The following LRRC75A variants were observed in gnomAD, a reference collection of about 807,000 sequenced individuals.
LRRC75A encodes the protein leucine rich repeat containing 75A.
A neutral mutation model predicts 26.0 loss-of-function variants in LRRC75A; 12 were observed. The observed-to-expected ratio is 0.46, with a 90% CI of 0.30 to 0.75. LRRC75A has a LOEUF of 0.75. LRRC75A is among the 30% of genes least tolerant of loss of function. The probability of loss-of-function intolerance (pLI) is 0.08; values close to 1 mark genes in which losing one functional copy is unlikely to be tolerated. For synonymous variants in LRRC75A, 223 were observed against 219.3 expected (o/e 1.02, Z -0.15); for missense variants, 410 against 486.6 (o/e 0.84, Z 1.48).
chr17:16,476,229 G>T (rs947038716), intron 1 of LRRC75A, among the ~76,000 whole-genome samples: 4 of 151,798 alleles, frequency 2.6e-5, no homozygotes, highest in Admixed American at 1.3e-4. Flanking sequence ...TTAGCTGGGT[G>T]TGGTGGCACA....
At chr17:16,474,168 C>T (rs1471753610) in intron 1 of LRRC75A, among the ~76,000 whole-genome samples, 1 of 100,990 alleles carries the variant, frequency 9.9e-6, no homozygotes, top group Non-Finnish European at 1.9e-5. Context: ...ACGTGGCTGA[C>T]GGTGGGGGAC....
intron 1 of LRRC75A, among the ~76,000 whole-genome samples, chr17:16,467,004 G>A (rs923659086): frequency 6.6e-6 from 1 of 152,110 alleles, no homozygotes. Context: ...AAGACCCAGT[G>A]CAAAAGCGCA....
intron 2 of LRRC75A, among the ~76,000 whole-genome samples, chr17:16,448,479 G>A (rs1395873974): frequency 6.6e-6 from 1 of 152,204 alleles, no homozygotes; most frequent in Admixed American, 6.5e-5. Flanking sequence ...ACAAATGAAT[G>A]AGGAGGCCAA....
At chr17:16,473,501 C>T (rs978015683) in intron 1 of LRRC75A, among the ~76,000 whole-genome samples, 3 of 152,158 alleles carry the variant, frequency 2.0e-5, no homozygotes, top group African/African-American at 7.2e-5. Context: ...TGCCCGCCAC[C>T]CCCACAGGCC....
chr17:16,461,880 G>A (rs577325617), intron 2 of LRRC75A, among the ~76,000 whole-genome samples: 18 of 150,560 alleles, frequency 1.2e-4, no homozygotes, highest in Non-Finnish European at 2.1e-4. Context: ...GCATGCTTTC[G>A]TGCAAGGTAC....
chr17:16,485,633 TG>T (rs1177764412), intron 1 of LRRC75A, among the ~76,000 whole-genome samples: 9 of 54,012 alleles, frequency 1.7e-4, no homozygotes, highest in African/African-American at 8.8e-4. Context: ...GGACAAGCAG[TG>T]TGTGTGTGTG....
chr17:16,490,504 A>G (rs1300514853), intron 1 of LRRC75A, among the ~76,000 whole-genome samples: 1 of 152,194 alleles, frequency 6.6e-6, no homozygotes, highest in Non-Finnish European at 1.5e-5. Context: ...CAGAGGCAGA[A>G]GCAGAAGTCC....
chr17:16,458,363 A>G (rs897313726), intron 2 of LRRC75A, among the ~76,000 whole-genome samples: 9 of 152,236 alleles, frequency 5.9e-5, no homozygotes, highest in Admixed American at 2.6e-4. Context: ...CTTCTATATT[A>G]TCACCTGTTG....
chr17:16,457,413 A>C (rs902887261), intron 2 of LRRC75A, among the ~76,000 whole-genome samples: 1 of 152,100 alleles, frequency 6.6e-6, no homozygotes, highest in Non-Finnish European at 1.5e-5. Flanking sequence ...CCTGGCTTCC[A>C]CTTGGGTTCA....
Position 16,443,817 on chromosome 17 carries a change from C to A in LRRC75A, c.806G>T (p.Gly269Val). 1.2e-6 allele frequency: 2 copies of A among 1,614,042 alleles called. No homozygotes were observed. The highest frequency in any genetic ancestry group is 1.7e-6 in the Non-Finnish European group (2 of 1,179,872). ...KFPNVTWIDL[G>V]NNVDIFSLPQ... ...CAAGGAGAAGATGTCCACGTTGTTGCCCAGGTCAATCCACGTGACATTGGG... is the reference window on the plus strand; with the variant it reads ...CAAGGAGAAGATGTCCACGTTGTTGACCAGGTCAATCCACGTGACATTGGG... Residue 269 changes from glycine to valine, a missense_variant, in exon 4 of 4, where the codon GGC (glycine) becomes GTC (valine). Coordinates refer to ENST00000470794, the MANE Select transcript of LRRC75A (RefSeq NM_001113567.3).
chr17:16,480,458 C>T (rs2093830980), intron 1 of LRRC75A, among the ~76,000 whole-genome samples: 1 of 151,882 alleles, frequency 6.6e-6, no homozygotes, highest in Non-Finnish European at 1.5e-5. Flanking sequence ...GGTGAAACCC[C>T]ATATCTACTA....
intron 3 of LRRC75A, among the ~76,000 whole-genome samples, chr17:16,444,600 GAGA>G (rs571504117): frequency 1.1e-3 from 167 of 152,214 alleles, no homozygotes; most frequent in African/African-American, 3.9e-3. Flanking sequence ...TTCCCCACCA[GAGA>G]AGGATTCCCT....
At position 16,444,067 on chromosome 17, in the gene LRRC75A, T is replaced by A; in HGVS notation, c.556A>T (p.Thr186Ser). Residue 186 changes from threonine to serine, a missense_variant, in exon 4 of 4, where the codon ACC becomes TCC. Transcript: ENST00000470794. Reference sequence around the variant, plus strand: ...GTCACCCGCTCCAGGTCTCGGGAGGTCAGTGGGATTCCCGACAGGTCCACT... The same window carrying A: ...GTCACCCGCTCCAGGTCTCGGGAGGACAGTGGGATTCCCGACAGGTCCACT... ...NTVDLSGIPL[T>S]SRDLERVTSY... is the part of the protein sequence containing the mutation. The A allele has an allele frequency of 6.2e-7, 1 of 1,612,626 alleles. No homozygotes were observed. The highest frequency in any genetic ancestry group is 8.5e-7 in the Non-Finnish European group (1 of 1,179,360).
At chr17:16,459,711 G>A (rs1189630422) in intron 2 of LRRC75A, among the ~76,000 whole-genome samples, 1 of 152,196 alleles carries the variant, frequency 6.6e-6, no homozygotes, top group African/African-American at 2.4e-5. Context: ...AACGTGGGCT[G>A]ACATGAACTT....
At chr17:16,451,636 T>A (rs866968622) in intron 2 of LRRC75A, among the ~76,000 whole-genome samples, 1,574 of 147,106 alleles carry the variant, frequency 0.011, 26 homozygotes, top group African/African-American at 0.034. Context: ...AAAAAAATAA[T>A]AATAATAATA....
rs2093857224 is a variant in LRRC75A, at chr17:16,491,555, G to T, written c.246+190C>A. Among the ~76,000 whole-genome samples, 1 of 152,176 alleles carries T rather than the reference G, an allele frequency of 6.6e-6. No individual in the cohort carries two copies. The highest frequency in any genetic ancestry group is 2.4e-5 in the African/African-American group (1 of 41,464). On this transcript the variant is annotated intron_variant, in intron 1 of 3. Coordinates refer to ENST00000470794, the MANE Select transcript of LRRC75A (RefSeq NM_001113567.3). This position sits in a 1 kb window ranked among gnomAD's most constrained non-coding sequence, Gnocchi z 5.9. Reference sequence around the variant, plus strand: ...CACCCGGCCAGCCTTCCTCCGCCCTGCCCTGAGGCCCCACATTCAGCGGAA... The same window carrying T: ...CACCCGGCCAGCCTTCCTCCGCCCTTCCCTGAGGCCCCACATTCAGCGGAA...
At position 16,442,166 on chromosome 17, in the gene LRRC75A, A is replaced by G. The variant is rs2093534174; in HGVS notation, c.*1422T>C. 1.3e-5 allele frequency: 2 copies of G among 152,400 alleles called. No homozygotes were observed. Among genetic ancestry groups the G allele is most frequent in the South Asian group, 2.1e-4 (1 of 4,826 alleles). The allele number at this position is 152,400 out of a possible 1,614,324, so 9.4% of individuals were successfully genotyped here. On this transcript the variant is annotated 3_prime_UTR_variant, in exon 4 of 4. Coordinates refer to ENST00000470794, the MANE Select transcript of LRRC75A (RefSeq NM_001113567.3). ...ATTCTACAGCTTTAGACTGAAGGCA[A>G]AAGCTCAAAGCATTTAAGGCCTCCT... is the stretch of plus-strand genomic sequence containing the variant.
intron 1 of LRRC75A, among the ~76,000 whole-genome samples, chr17:16,488,443 A>G (rs1269728397): frequency 1.3e-5 from 2 of 152,212 alleles, no homozygotes; most frequent in Admixed American, 6.5e-5. Flanking sequence ...CCAGACCCAA[A>G]GTGAGTAAGG....
In LRRC75A at chr17:16,444,005, G is replaced by A. The variant is rs781459751; in HGVS notation, c.618C>T (p.Ser206=). ...TGAGGCCTGTGAAGCCCAGCTCCAC[G>A]CTGTCTACCTGCTCCCCACAGCGCT... ...YLQRCGEQVD[S]VELGFTGLTD... Residue 206 remains serine, a synonymous_variant, in exon 4 of 4, where the codon AGC becomes AGT. Coordinates refer to ENST00000470794, the MANE Select transcript of LRRC75A (RefSeq NM_001113567.3). 15 of 1,613,748 alleles carry A rather than the reference G, an allele frequency of 9.3e-6. No homozygotes were observed. The highest frequency in any genetic ancestry group is 5.5e-5 in the South Asian group (5 of 91,074).
Sources: allele counts gnomAD v4.1 joint callset (sites outside exome capture counted in the v4.1 genomes callset), GRCh38; gene constraint gnomAD v4.1.1; non-coding constraint Gnocchi (gnomAD v3.1); transcripts MANE v1.5; gene names NCBI Gene and HGNC (gene_info 2026-07-23, HGNC 2026-07-21).